LRP1B: variants seen among roughly 807,000 people sequenced by gnomAD.
LRP1B encodes the protein LDL receptor related protein 1B, also known as low-density lipoprotein receptor-related protein 1B.
In LRP1B, 217 loss-of-function variants were observed where a neutral mutation model predicts 556.6. The observed-to-expected ratio is 0.39, with a 90% CI of 0.35 to 0.44. The LOEUF (loss-of-function observed/expected upper bound fraction) is 0.44. Ranked by LOEUF, LRP1B falls within the 20% of genes least tolerant of loss-of-function variation. The pLI, the probability that LRP1B is intolerant of heterozygous loss-of-function variation, is 1.00. For missense variants in LRP1B, 5,053 were observed against 5,620.8 expected, an observed-to-expected ratio of 0.90 and a Z score of 3.23; for synonymous variants, 2,047 against 1,865.8, an observed-to-expected ratio of 1.10 and a Z score of -2.50.
At chr2:141,544,333 TCTTCTTCTTCTTC>T (rs1685427279) in intron 2 of LRP1B, among the ~76,000 whole-genome samples, 2 of 76,844 alleles carry the variant, frequency 2.6e-5, no homozygotes, top group Non-Finnish European at 5.0e-5. Context: ...TTCTTCTTCT[TCTTCTTCTTCTTC>T]TTCTTCTTCT....
intron 1 of LRP1B, among the ~76,000 whole-genome samples, chr2:141,851,526 C>T (rs915330050): frequency 2.0e-5 from 3 of 151,656 alleles, no homozygotes; most frequent in East Asian, 1.9e-4. Context: ...TGTGAAAAAT[C>T]GAAACACAGC....
chr2:141,708,550 T>G (rs1178946805), intron 2 of LRP1B, among the ~76,000 whole-genome samples: 1 of 152,162 alleles, frequency 6.6e-6, no homozygotes, highest in Non-Finnish European at 1.5e-5. Flanking sequence ...TTGGACCACT[T>G]TCCCCAAACT....
At chr2:141,254,370 T>C in intron 4 of LRP1B, 152 bp downstream of exon 4, 1 of 707,868 alleles carries the variant, frequency 1.4e-6, no homozygotes, top group Non-Finnish European at 2.3e-6. Flanking sequence ...AATGTTTATG[T>C]TTTTGTTGGG....
intron 37 of LRP1B, among the ~76,000 whole-genome samples, chr2:140,703,390 A>C (rs2105433254): frequency 6.6e-6 from 1 of 152,258 alleles, no homozygotes; most frequent in Admixed American, 6.5e-5. Flanking sequence ...CATGTATTTC[A>C]CTCATTCATT....
chr2:141,321,708 G>A (rs1282530618), intron 3 of LRP1B, among the ~76,000 whole-genome samples: 1 of 152,016 alleles, frequency 6.6e-6, no homozygotes, highest in Non-Finnish European at 1.5e-5. Context: ...TAGCTCTGAA[G>A]GATATAGATG....
In LRP1B at chr2:142,130,980, G is replaced by T. The variant is rs962266039; in HGVS notation, c.-251C>A. 9 of 560,150 alleles carry T rather than the reference G, an allele frequency of 1.6e-5. No homozygotes were observed. Among genetic ancestry groups the T allele is most frequent in the African/African-American group, 1.3e-4 (7 of 52,772 alleles). The allele number at this position is 560,150 out of a possible 1,614,324, so 34.7% of individuals were successfully genotyped here. On this transcript the variant is annotated 5_prime_UTR_variant, in exon 1 of 91. Coordinates refer to ENST00000389484, the MANE Select transcript of LRP1B (RefSeq NM_018557.3). Reference sequence around the variant, plus strand: ...GAGCGTGTGTGAGCGCGAGCGAGACGCCCGTGTGTCTTGACTTTTCAATGC... The same window carrying T: ...GAGCGTGTGTGAGCGCGAGCGAGACTCCCGTGTGTCTTGACTTTTCAATGC...
At chr2:141,222,141 G>A (rs559910394) in intron 6 of LRP1B, among the ~76,000 whole-genome samples, 51 of 151,898 alleles carry the variant, frequency 3.4e-4, no homozygotes, top group African/African-American at 1.2e-3. Context: ...AAAATAGATA[G>A]CTAACTAGAC....
intron 2 of LRP1B, among the ~76,000 whole-genome samples, chr2:141,652,924 C>T (rs925240062): frequency 6.6e-6 from 1 of 152,142 alleles, no homozygotes; most frequent in Non-Finnish European, 1.5e-5. Context: ...CTAAGGACCA[C>T]TGCACCCAGA....
chr2:142,046,293 G>C (rs960523443), intron 1 of LRP1B, among the ~76,000 whole-genome samples: 1 of 151,914 alleles, frequency 6.6e-6, no homozygotes, highest in Non-Finnish European at 1.5e-5. Flanking sequence ...AGAGTGAAAG[G>C]ACTTTCTGGA....
chr2:140,715,822 G>T, intron 37 of LRP1B, 151 bp downstream of exon 37: 1 of 518,880 alleles, frequency 1.9e-6, no homozygotes, highest in Non-Finnish European at 3.3e-6. Flanking sequence ...TAAATTATAT[G>T]AACAAAGTGA....
At chr2:140,818,936 C>CAAAAAAAAAAAAAAA (rs543167243) in intron 31 of LRP1B, among the ~76,000 whole-genome samples, 1 of 102,938 alleles carries the variant, frequency 9.7e-6, no homozygotes, top group African/African-American at 4.3e-5. Context: ...GACTCTGTCT[C>CAAAAAAAAAAAAAAA]AAAAAAAAAA....
At chr2:141,569,312 A>C (rs76633056) in intron 2 of LRP1B, among the ~76,000 whole-genome samples, 3,356 of 151,054 alleles carry the variant, frequency 0.022, 143 homozygotes, top group African/African-American at 0.072. Context: ...GAAGAGGAGG[A>C]TTTTAAGCAG....
intron 35 of LRP1B, among the ~76,000 whole-genome samples, chr2:140,727,262 A>G (rs755143799): frequency 2.2e-4 from 33 of 152,218 alleles, no homozygotes; most frequent in Admixed American, 3.3e-4. Flanking sequence ...AATATAACAC[A>G]CAAAACAAAC....
At chr2:140,495,166 T>C (rs937292992) in intron 56 of LRP1B, among the ~76,000 whole-genome samples, 1 of 152,182 alleles carries the variant, frequency 6.6e-6, no homozygotes, top group Non-Finnish European at 1.5e-5. Flanking sequence ...ATTGTTAACT[T>C]GTTCTCTCTA....
chr2:140,982,794 A>G (rs954334408), intron 17 of LRP1B, among the ~76,000 whole-genome samples: 5 of 151,902 alleles, frequency 3.3e-5, no homozygotes, highest in South Asian at 2.1e-4. Flanking sequence ...TGATCTCTAA[A>G]TGATCTGCTG....
In LRP1B at chr2:140,238,067, A is replaced by G. The variant is rs1313053323; in HGVS notation, c.13560+85T>C. Reference sequence around the variant, plus strand: ...CTTATTCTAACTTCAGATAACAGAAAAACTTGGTGAAATTCAGAACCATAA... The same window carrying G: ...CTTATTCTAACTTCAGATAACAGAAGAACTTGGTGAAATTCAGAACCATAA... On this transcript the variant is annotated intron_variant, in intron 89 of 90. Coordinates refer to ENST00000389484, the MANE Select transcript of LRP1B (RefSeq NM_018557.3). 3.2e-6 allele frequency: 4 copies of G among 1,235,146 alleles called. No homozygotes were observed. The African/African-American group carries it at 6.2e-5, about 19-fold the overall frequency. The allele number at this position is 1,235,146 out of a possible 1,614,324, so 76.5% of individuals were successfully genotyped here. A position where few individuals can be genotyped will look rare whatever the true frequency, so the allele number is the denominator to read the frequency against.
At chr2:142,058,476 A>T (rs1431129116) in intron 1 of LRP1B, among the ~76,000 whole-genome samples, 1 of 152,172 alleles carries the variant, frequency 6.6e-6, no homozygotes, top group African/African-American at 2.4e-5. Context: ...CAAGGGCTGC[A>T]TGTGGGCCAG....
At chr2:140,792,390 A>G (rs1263376205) in intron 32 of LRP1B, among the ~76,000 whole-genome samples, 1 of 152,140 alleles carries the variant, frequency 6.6e-6, no homozygotes, top group African/African-American at 2.4e-5. Context: ...TTTTGTTGAC[A>G]ATCCTGTTTT....
At chr2:141,481,635 G>T (rs1001623762) in intron 2 of LRP1B, among the ~76,000 whole-genome samples, 1 of 152,156 alleles carries the variant, frequency 6.6e-6, no homozygotes, top group Non-Finnish European at 1.5e-5. Flanking sequence ...ACTACAAAGC[G>T]CTGAGCACTG....
Sources: allele counts gnomAD v4.1 joint callset (sites outside exome capture counted in the v4.1 genomes callset), GRCh38; gene constraint gnomAD v4.1.1; transcripts MANE v1.5; gene names NCBI Gene and HGNC (gene_info 2026-07-23, HGNC 2026-07-21).